PCBP2: variants seen among roughly 807,000 people sequenced by gnomAD.
The protein encoded by PCBP2 is poly(rC) binding protein 2.
PCBP2 carries 4 observed loss-of-function variants against 50.1 expected under a neutral mutation model. The ratio of observed to expected loss-of-function variants is 0.08; its 90% CI spans 0.04 to 0.18. PCBP2 has a LOEUF of 0.18. Ranked by LOEUF, PCBP2 falls within the 10% of genes least tolerant of loss-of-function variation. PCBP2 has a pLI of 1.00. For synonymous variants in PCBP2, 179 were observed against 168.0 expected (o/e 1.07, Z -0.51); for missense variants, 161 against 474.3 (o/e 0.34, Z 6.14).
chr12:53,464,507 C>T (rs1592658392), intron 8 of PCBP2: 1 of 442,592 alleles, frequency 2.3e-6, no homozygotes, highest in East Asian at 5.0e-5. Flanking sequence ...CCACACTGAC[C>T]AGGAGCTGGC....
intron 1 of PCBP2, 132 bp from the exon 2 acceptor site, chr12:53,454,594 G>A (rs1436815460): frequency 1.7e-6 from 1 of 571,974 alleles, no homozygotes; most frequent in African/African-American, 1.9e-5. Context: ...TGTGCTTGGT[G>A]TGTATATAAG....
intron 9 of PCBP2, 90 bp downstream of exon 9, chr12:53,464,942 A>G (rs1363309754): frequency 1.3e-5 from 19 of 1,432,470 alleles, no homozygotes; most frequent in Non-Finnish European, 1.6e-5. Flanking sequence ...GGCGCTGGTG[A>G]TTTTTGGTGC....
At chr12:53,456,056 G>T in intron 5 of PCBP2, 55 bp downstream of exon 5, 1 of 1,091,816 alleles carries the variant, frequency 9.2e-7, no homozygotes. Flanking sequence ...CAGAGAGCTT[G>T]TTGATTTTCT....
intron 10 of PCBP2, among the ~76,000 whole-genome samples, 192 bp from the exon 11 acceptor site, chr12:53,467,029 T>C (rs1565866833): frequency 6.6e-6 from 1 of 152,158 alleles, no homozygotes; most frequent in Admixed American, 6.6e-5. Context: ...GCACCCATTC[T>C]ATTTCTAACC....
chr12:53,471,265 C>A (rs1057001490), intron 13 of PCBP2, among the ~76,000 whole-genome samples: 3 of 149,890 alleles, frequency 2.0e-5, no homozygotes, highest in Non-Finnish European at 4.4e-5. Flanking sequence ...AGCAACATAG[C>A]GAGACCCTCG....
chr12:53,467,630 C>A, intron 11 of PCBP2, 175 bp from the exon 12 acceptor site: 1 of 651,460 alleles, frequency 1.5e-6, no homozygotes, highest in South Asian at 1.9e-5. Flanking sequence ...TCTCCACCAG[C>A]AATTCACAGG....
Position 53,452,116 on chromosome 12 carries a change from G to GGCAGCAGCCGGAGCA in PCBP2, c.-333_-319dup, listed in dbSNP as rs1592623335. On this transcript the variant is annotated 5_prime_UTR_variant, in exon 1 of 15. Transcript: ENST00000546463. The stretch of plus-strand genomic sequence containing the variant: ...CCCGTCCCCCTCCCAGACCAGCAGA[G>GGCAGCAGCCGGAGCA]GCAGCAGCCGGAGCAGCCGCAGCCT... 2.7e-5 allele frequency: 4 copies of GGCAGCAGCCGGAGCA among 149,944 alleles called. No homozygotes were observed. Among genetic ancestry groups the GGCAGCAGCCGGAGCA allele is most frequent in the African/African-American group, 5.0e-5 (2 of 40,332 alleles). The allele number at this position is 149,944 out of a possible 1,614,324, so 9.3% of individuals were successfully genotyped here.
intron 9 of PCBP2, among the ~76,000 whole-genome samples, chr12:53,465,649 TC>T (rs1941764535): frequency 6.6e-6 from 1 of 152,166 alleles, no homozygotes. Context: ...TAATCTCACT[TC>T]CCACATTTTC....
chr12:53,460,920 A>G (rs886287989), intron 6 of PCBP2, 95 bp from the exon 7 acceptor site: 7 of 1,329,332 alleles, frequency 5.3e-6, no homozygotes, highest in Non-Finnish European at 7.4e-6. Flanking sequence ...ATGGATAAAT[A>G]TCTACTAGAG....
rs1941698466 is a variant in PCBP2 at position 53,464,677 on chromosome 12, A to G, written c.580-83A>G. On this transcript the variant is annotated intron_variant, in intron 8 of 14. Transcript: ENST00000546463. ...TAAAGGAAAAAGGAAAAAAATAAAC[A>G]ACTTTTTTTGTGTGAATTTCATGCT... The G allele has an allele frequency of 5.2e-6, 8 of 1,541,366 alleles. No homozygotes were observed. In the Admixed American group the frequency reaches 6.7e-5, roughly 13 times the overall value.
chr12:53,461,343 C>T (rs955518384), intron 7 of PCBP2, among the ~76,000 whole-genome samples, 200 bp downstream of exon 7: 3 of 152,198 alleles, frequency 2.0e-5, no homozygotes, highest in Non-Finnish European at 2.9e-5. Context: ...ATAGAAACTG[C>T]TAAGCAGCAG....
At chr12:53,455,704 C>G (rs1367641689) in intron 4 of PCBP2, among the ~76,000 whole-genome samples, 181 bp from the exon 5 acceptor site, 1 of 151,776 alleles carries the variant, frequency 6.6e-6, no homozygotes, top group Non-Finnish European at 1.5e-5. Context: ...TCTTTCAAGA[C>G]TTAAGGCAGC....
At chr12:53,455,527 G>A (rs1940938898) in intron 4 of PCBP2, 34 bp downstream of exon 4, 1 of 1,607,706 alleles carries the variant, frequency 6.2e-7, no homozygotes, top group Non-Finnish European at 8.5e-7. Flanking sequence ...GTTAACTTTG[G>A]GAAGTAAAAA....
Position 53,467,849 on chromosome 12 carries a change from G to C in PCBP2, c.826+6G>C. The C allele has an allele frequency of 6.3e-7, 1 of 1,594,224 alleles. No homozygotes were observed. The highest frequency in any genetic ancestry group is 8.6e-7 in the Non-Finnish European group (1 of 1,165,662). ...AGAGGTGAAAGGCTATTGGGGTAAT[G>C]ATTAAAAAAAAAAAAATCTGTAGTA... On this transcript the variant is annotated splice_donor_region_variant and intron_variant, in intron 12 of 14. Coordinates refer to ENST00000546463, the MANE Select transcript of PCBP2 (RefSeq NM_031989.5).
At chr12:53,472,004 T>G (rs1007309924) in intron 14 of PCBP2, among the ~76,000 whole-genome samples, 197 bp downstream of exon 14, 75 of 130,822 alleles carry the variant, frequency 5.7e-4, no homozygotes, top group Non-Finnish European at 6.7e-4. Context: ...AAGGGGTTGG[T>G]GGGGGGGGGA....
At chr12:53,460,919 T>C in intron 6 of PCBP2, 96 bp from the exon 7 acceptor site, 2 of 1,318,006 alleles carry the variant, frequency 1.5e-6, no homozygotes, top group Non-Finnish European at 1.1e-6. Flanking sequence ...AATGGATAAA[T>C]ATCTACTAGA....
chr12:53,460,553 GT>G, intron 6 of PCBP2: 1 of 206,296 alleles, frequency 4.8e-6, no homozygotes, highest in South Asian at 5.8e-5. Context: ...GGCTGCTTGA[GT>G]TTTTGGGAGC....
chr12:53,472,863 G>A (rs1029429375), intron 14 of PCBP2, among the ~76,000 whole-genome samples: 1 of 152,106 alleles, frequency 6.6e-6, no homozygotes, highest in Non-Finnish European at 1.5e-5. Flanking sequence ...GTGTAGAAAA[G>A]CTTTCCCTTT....
intron 11 of PCBP2, 53 bp downstream of exon 11, chr12:53,467,346 A>T (rs1201567925): frequency 1.5e-6 from 2 of 1,376,028 alleles, no homozygotes; most frequent in African/African-American, 2.8e-5. Context: ...GAGAGAGGCC[A>T]GTCCCAAGGT....
Sources: gnomAD v4.1 joint callset for allele counts (sites outside exome capture counted in the v4.1 genomes callset) on GRCh38, gnomAD v4.1.1 for gene constraint, MANE v1.5 for transcripts, NCBI Gene and HGNC (gene_info 2026-07-23, HGNC 2026-07-21) for gene names.